The following TCAF1 variants were observed in gnomAD, a reference collection of about 807,000 sequenced individuals.
TCAF1 encodes the protein TRPM8 channel associated factor 1.
A neutral mutation model predicts 27.3 loss-of-function variants in TCAF1; 4 were observed. The ratio of observed to expected loss-of-function variants is 0.15; its 90% CI spans 0.07 to 0.34. The LOEUF (loss-of-function observed/expected upper bound fraction) is 0.34, where lower values mean the gene tolerates loss of function less well. Among genes scored for constraint, TCAF1 ranks in the 10% least tolerant of loss-of-function variants. The probability of loss-of-function intolerance (pLI) is 1.00; values close to 1 mark genes in which losing one functional copy is unlikely to be tolerated. For synonymous variants in TCAF1, 105 were observed against 167.1 expected, an observed-to-expected ratio of 0.63 and a Z score of 2.87; for missense variants, 257 against 425.8, an observed-to-expected ratio of 0.60 and a Z score of 3.49.
chr7:143,882,858 CG>C, intron 1 of TCAF1: 1 of 985,612 alleles, frequency 1.0e-6, no homozygotes, highest in Non-Finnish European at 1.2e-6. Flanking sequence ...GATTTGGGAG[CG>C]GGGAGGAGGC....
chr7:143,880,442 A>G (rs1812953557), intron 1 of TCAF1, among the ~76,000 whole-genome samples: 1 of 152,192 alleles, frequency 6.6e-6, no homozygotes, highest in Non-Finnish European at 1.5e-5. Context: ...TTGAAAATCT[A>G]TGGAGGCCAC....
Position 143,885,069 on chromosome 7 carries a change from G to A in TCAF1, c.-14-8447C>T. On this transcript the variant is annotated intron_variant, in intron 1 of 8. Coordinates refer to ENST00000479870, the MANE Select transcript of TCAF1 (RefSeq NM_014719.3). ...TGGCAGCCCCGCGTGCGCCCCCCTC[G>A]GCCGCGCTCCCCAAGGACCCCGACC... 3.0e-6 allele frequency: 3 copies of A among 985,404 alleles called. No individual in the cohort carries two copies. In the South Asian group the frequency reaches 1.4e-4, roughly 46 times the overall value. The allele number at this position is 985,404 out of a possible 1,614,324, so 61.0% of individuals were successfully genotyped here.
At chr7:143,881,380 T>C (rs1813011715) in intron 1 of TCAF1, among the ~76,000 whole-genome samples, 1 of 152,194 alleles carries the variant, frequency 6.6e-6, no homozygotes, top group African/African-American at 2.4e-5. Flanking sequence ...TTCAATTCCA[T>C]AGGTCTTCTC....
chr7:143,882,572 C>CTTT (rs778271637), intron 1 of TCAF1: 166 of 985,246 alleles, frequency 1.7e-4, no homozygotes, highest in Non-Finnish European at 1.8e-4. Flanking sequence ...TCTCTGTCCC[C>CTTT]GATGATTTCT....
At chr7:143,881,473 T>G (rs138689354) in intron 1 of TCAF1, among the ~76,000 whole-genome samples, 1 of 152,294 alleles carries the variant, frequency 6.6e-6, no homozygotes, top group African/African-American at 2.4e-5. Flanking sequence ...ATCGGGCTAG[T>G]TCAACCCCTT....
chr7:143,894,524 A>T (rs1458340258), intron 1 of TCAF1, among the ~76,000 whole-genome samples: 1 of 151,786 alleles, frequency 6.6e-6, no homozygotes, highest in Admixed American at 6.6e-5. Flanking sequence ...CTATATAAAA[A>T]CCAATGAACC....
intron 6 of TCAF1, among the ~76,000 whole-genome samples, chr7:143,859,994 A>G (rs1811884438): frequency 6.7e-5 from 1 of 14,976 alleles, no homozygotes; most frequent in Non-Finnish European, 2.2e-4. Context: ...TATAATATAT[A>G]TTATATAATA....
At chr7:143,893,614 A>G (rs963551440) in intron 1 of TCAF1, among the ~76,000 whole-genome samples, 1 of 152,016 alleles carries the variant, frequency 6.6e-6, no homozygotes, top group Non-Finnish European at 1.5e-5. Flanking sequence ...TTATTTAATT[A>G]GAAAATTCCC....
chr7:143,900,065 T>C (rs1396994515), intron 1 of TCAF1, among the ~76,000 whole-genome samples: 1 of 152,212 alleles, frequency 6.6e-6, no homozygotes, highest in Non-Finnish European at 1.5e-5. Flanking sequence ...TTGGAAAGTT[T>C]AGAAATGACC....
intron 1 of TCAF1, among the ~76,000 whole-genome samples, chr7:143,890,467 C>T (rs1179799646): frequency 6.6e-6 from 1 of 152,156 alleles, no homozygotes; most frequent in Admixed American, 6.5e-5. Flanking sequence ...ATTATTCCCA[C>T]AAACTTCTTG....
chr7:143,876,165 C>A lies in TCAF1; in HGVS notation c.444G>T (p.Leu148Phe). The change falls in exon 2 of 9, where the codon TTG becomes TTT. Residue 148 changes from leucine to phenylalanine, a missense_variant. Leu to Phe is a conservative substitution (Grantham distance 22, BLOSUM62 0). Transcript: ENST00000479870. ...AATCCCAGGCTTGTCCTCCTATGAG[C>A]AAGCCGCCACCACATTTCATGAACT... Reference protein sequence around the residue: ...LVKFMKCGGGLLIGGQAWDWA... With the variant: ...LVKFMKCGGGFLIGGQAWDWA... The A allele has an allele frequency of 1.2e-6, 2 of 1,614,228 alleles. No homozygotes were observed. The highest frequency in any genetic ancestry group is 1.7e-6 in the Non-Finnish European group (2 of 1,180,032).
intron 1 of TCAF1, 99 bp from the exon 2 acceptor site, chr7:143,876,721 A>T: frequency 1.1e-6 from 1 of 950,796 alleles, no homozygotes; most frequent in Non-Finnish European, 1.5e-6. Context: ...TATTCTTCCC[A>T]CTATGCAGAT....
chr7:143,900,630 C>G (rs1562976419), intron 1 of TCAF1, among the ~76,000 whole-genome samples: 1 of 152,056 alleles, frequency 6.6e-6, no homozygotes, highest in South Asian at 2.1e-4. Flanking sequence ...CTCCTGGATT[C>G]CTGATCACAG....
chr7:143,859,971 ATAAT>A lies in TCAF1; in HGVS notation c.2167+233_2167+236del. Among the ~76,000 whole-genome samples, 2 of 10,550 alleles carry A rather than the reference ATAAT, an allele frequency of 1.9e-4. 1 individual carries two copies. The highest frequency in any genetic ancestry group is 3.7e-4 in the African/African-American group (2 of 5,400). The allele number at this position is 10,550 out of a possible 152,430, so 6.9% of individuals were successfully genotyped here. A position where few individuals can be genotyped will look rare whatever the true frequency, so the allele number is the denominator to read the frequency against. ...ATATATATTACGGAATATATATTAT[ATAAT>A]ATATATTATATAATATATATTATAT... is the stretch of plus-strand genomic sequence containing the variant. On this transcript the variant is annotated intron_variant, in intron 6 of 8. Transcript: ENST00000479870.
chr7:143,879,318 A>T (rs1431639109), intron 1 of TCAF1, among the ~76,000 whole-genome samples: 3 of 152,220 alleles, frequency 2.0e-5, no homozygotes, highest in South Asian at 4.1e-4. Flanking sequence ...TAATATTGTT[A>T]AAAAAGATGA....
At chr7:143,860,002 A>ATATAT (rs1554485954) in intron 6 of TCAF1, among the ~76,000 whole-genome samples, 2 of 4,654 alleles carry the variant, frequency 4.3e-4, no homozygotes, top group Non-Finnish European at 1.3e-3. Flanking sequence ...ATATTATATA[A>ATATAT]TATATATATA....
At chr7:143,898,274 A>C (rs1813976499) in intron 1 of TCAF1, among the ~76,000 whole-genome samples, 1 of 152,138 alleles carries the variant, frequency 6.6e-6, no homozygotes, top group South Asian at 2.1e-4. Flanking sequence ...ATTTCTCATT[A>C]TTATCTTAAG....
chr7:143,901,065 C>T (rs906665021), intron 1 of TCAF1, among the ~76,000 whole-genome samples: 3 of 152,192 alleles, frequency 2.0e-5, no homozygotes, highest in African/African-American at 7.2e-5. Flanking sequence ...TCAGTTGGGA[C>T]TCATGGGCTT....
rs1234317309 is a variant in TCAF1, at chr7:143,901,955, A to G, written c.-15+6T>C. Reference sequence around the variant, plus strand: ...CCGCCCACCGCTCCCCGCCCCGGACACTAACCCGGGGCCCAGGCCTCGGTC... The same window carrying G: ...CCGCCCACCGCTCCCCGCCCCGGACGCTAACCCGGGGCCCAGGCCTCGGTC... On this transcript the variant is annotated splice_donor_region_variant and intron_variant, in intron 1 of 8. Coordinates refer to ENST00000479870, the MANE Select transcript of TCAF1 (RefSeq NM_014719.3). 6.6e-6 allele frequency: 1 copy of G among 152,088 alleles called. No homozygotes were observed. The highest frequency in any genetic ancestry group is 6.6e-5 in the Admixed American group (1 of 15,266). 9.4% of individuals were successfully genotyped at this position (152,088 alleles called of 1,614,324 possible). A position where few individuals can be genotyped will look rare whatever the true frequency, so the allele number is the denominator to read the frequency against.
Sources: allele counts gnomAD v4.1 joint callset (sites outside exome capture counted in the v4.1 genomes callset), GRCh38; gene constraint gnomAD v4.1.1; transcripts MANE v1.5; gene names NCBI Gene and HGNC (gene_info 2026-07-23, HGNC 2026-07-21).